Variants in PCDH15 observed in about 807,000 individuals in gnomAD.
PCDH15 encodes protocadherin-15.
Under a neutral mutation model 178.5 loss-of-function variants are expected in PCDH15, and 129 were observed. The ratio of observed to expected loss-of-function variants is 0.72; its 90% CI spans 0.63 to 0.84. PCDH15 has a LOEUF of 0.84. PCDH15 is among the 40% of genes least tolerant of loss of function. PCDH15 has a pLI of 0.00. For missense variants in PCDH15, 2,230 were observed against 2,099.9 expected (o/e 1.06, Z -1.21); for synonymous variants, 800 against 732.0 (o/e 1.09, Z -1.50).
intron 1 of PCDH15, among the ~76,000 whole-genome samples, chr10:55,174,761 T>A (rs573522720): frequency 6.6e-6 from 1 of 152,142 alleles, no homozygotes; most frequent in African/African-American, 2.4e-5. Flanking sequence ...ACTTGTCCCA[T>A]CCTAGAAATC....
Position 54,068,482 on chromosome 10 carries a change from A to G in PCDH15, c.2092-1597T>C, listed in dbSNP as rs141845155. ...AAATGTCCATCGATAGTAGATGGTT[A>G]TACAGGATTGTGTTTTATATATGCA... On this transcript the variant is annotated intron_variant, in intron 17 of 37. Coordinates refer to ENST00000644397, the MANE Select transcript of PCDH15 (RefSeq NM_001384140.1). Among the ~76,000 whole-genome samples, 398 of 152,302 alleles carry G rather than the reference A, an allele frequency of 2.6e-3. 3 individuals are homozygous for G. Among genetic ancestry groups the G allele is most frequent in the Non-Finnish European group, 4.5e-3 (306 of 68,020 alleles).
At chr10:55,485,919 A>G (rs867601911) in intron 2 of PCDH15, among the ~76,000 whole-genome samples, 1 of 151,674 alleles carries the variant, frequency 6.6e-6, no homozygotes, top group African/African-American at 2.4e-5. Context: ...TAGACTTTAC[A>G]TCCCTACAGA....
At chr10:55,458,432 A>G (rs1351953537) in intron 2 of PCDH15, among the ~76,000 whole-genome samples, 1 of 152,090 alleles carries the variant, frequency 6.6e-6, no homozygotes, top group East Asian at 1.9e-4. Context: ...TCTATAAAAT[A>G]TCCTTAAAGA....
chr10:55,323,450 G>A (rs1023632492), upstream of PCDH15, among the ~76,000 whole-genome samples: 1 of 152,180 alleles, frequency 6.6e-6, no homozygotes, highest in African/African-American at 2.4e-5. Context: ...AAGCGGCCTG[G>A]AGGAGGGCTA....
intron 3 of PCDH15, among the ~76,000 whole-genome samples, chr10:54,456,251 AG>A (rs771538783): frequency 6.6e-6 from 1 of 152,106 alleles, no homozygotes; most frequent in East Asian, 1.9e-4. Flanking sequence ...AAGCAGCTGA[AG>A]GGGGGGCATA....
chr10:55,277,657 G>A (rs1037499361), intron 1 of PCDH15, among the ~76,000 whole-genome samples: 1 of 151,974 alleles, frequency 6.6e-6, no homozygotes, highest in African/African-American at 2.4e-5. Context: ...TATTCCCCAA[G>A]ATGTACTGTA....
chr10:54,254,541 C>G (rs1276204335), intron 8 of PCDH15, among the ~76,000 whole-genome samples: 2 of 152,128 alleles, frequency 1.3e-5, no homozygotes, highest in East Asian at 3.9e-4. Context: ...TCAACTCCCA[C>G]AGCTAGCATC....
chr10:55,428,325 A>T (rs1446469870), intron 2 of PCDH15, among the ~76,000 whole-genome samples: 1 of 151,852 alleles, frequency 6.6e-6, no homozygotes, highest in Non-Finnish European at 1.5e-5. Flanking sequence ...ATCAGTTATC[A>T]TTTTGCATCT....
At chr10:55,336,124 GAAAAA>G (rs748988261) in intron 2 of PCDH15, among the ~76,000 whole-genome samples, 10,198 of 58,668 alleles carry the variant, frequency 0.17, 402 homozygotes, top group South Asian at 0.22. Flanking sequence ...CTTGGTATTT[GAAAAA>G]AAAAAAAAAA....
At chr10:54,816,732 C>T (rs998582190) in intron 3 of PCDH15, among the ~76,000 whole-genome samples, 5 of 151,962 alleles carry the variant, frequency 3.3e-5, no homozygotes, top group African/African-American at 1.2e-4. Context: ...AGGCCCAATG[C>T]TACAAAAATA....
intron 15 of PCDH15, among the ~76,000 whole-genome samples, chr10:54,109,785 A>G (rs1314218297): frequency 6.6e-6 from 1 of 152,216 alleles, no homozygotes; most frequent in Non-Finnish European, 1.5e-5. Context: ...TTGTTAGGAC[A>G]ACAAAGTGAC....
chr10:53,809,333 G>T (rs566386133), intron 37 of PCDH15: 3 of 1,613,062 alleles, frequency 1.9e-6, no homozygotes, highest in Non-Finnish European at 2.5e-6. Context: ...TCCTCAAGGC[G>T]TCTCTGCCAC....
chr10:55,323,645 A>G (rs1277185011), upstream of PCDH15, among the ~76,000 whole-genome samples: 1 of 151,994 alleles, frequency 6.6e-6, no homozygotes, highest in Admixed American at 6.6e-5. Context: ...AATTTCTCCA[A>G]TTTGAAATGG....
At chr10:54,280,020 A>T (rs1004453141) in intron 8 of PCDH15, among the ~76,000 whole-genome samples, 1 of 151,704 alleles carries the variant, frequency 6.6e-6, no homozygotes, top group Admixed American at 6.6e-5. Context: ...TTGTCATTAA[A>T]CCATCATACC....
At chr10:54,425,484 A>G (rs1201743349) in intron 3 of PCDH15, among the ~76,000 whole-genome samples, 1 of 152,152 alleles carries the variant, frequency 6.6e-6, no homozygotes, top group Admixed American at 6.5e-5. Context: ...TGTAGAAAAT[A>G]AATTCAGTTC....
At chr10:54,969,956 C>G (rs1416647377) in intron 2 of PCDH15, among the ~76,000 whole-genome samples, 1 of 152,162 alleles carries the variant, frequency 6.6e-6, no homozygotes, top group Non-Finnish European at 1.5e-5. Flanking sequence ...TGTCTTTTTG[C>G]AAGCCTTCCT....
chr10:55,102,779 T>A (rs552987079), intron 2 of PCDH15, among the ~76,000 whole-genome samples: 3 of 152,272 alleles, frequency 2.0e-5, no homozygotes, highest in African/African-American at 7.2e-5. Context: ...AGAGGCCTTA[T>A]GTGTAACATA....
At chr10:55,293,982 T>C (rs1024012294) in intron 1 of PCDH15, among the ~76,000 whole-genome samples, 3 of 152,138 alleles carry the variant, frequency 2.0e-5, no homozygotes, top group African/African-American at 7.2e-5. Context: ...ATTTCCATAC[T>C]GCTAATAAGA....
chr10:54,656,771 G>A (rs1185545570), intron 2 of PCDH15, among the ~76,000 whole-genome samples: 1 of 152,144 alleles, frequency 6.6e-6, no homozygotes, highest in Non-Finnish European at 1.5e-5. Context: ...TCCAAAGCCT[G>A]CCTTGAGAGA....
Sources: allele counts gnomAD v4.1 joint callset (sites outside exome capture counted in the v4.1 genomes callset), GRCh38; gene constraint gnomAD v4.1.1; transcripts MANE v1.5; gene names NCBI Gene and HGNC (gene_info 2026-07-23, HGNC 2026-07-21).